The following CACNG3 variants were observed in gnomAD, a reference collection of about 807,000 sequenced individuals.
CACNG3 encodes the protein voltage-dependent calcium channel gamma-3 subunit.
Under a neutral mutation model 28.5 loss-of-function variants are expected in CACNG3, and 3 were observed. The observed-to-expected ratio is 0.11, with a 90% CI of 0.05 to 0.27. The LOEUF is 0.27. CACNG3 is among the 10% of genes least tolerant of loss of function. The probability of loss-of-function intolerance (pLI) is 1.00; values close to 1 mark genes in which losing one functional copy is unlikely to be tolerated. For missense variants in CACNG3, 236 were observed against 414.4 expected, an observed-to-expected ratio of 0.57 and a Z score of 3.74; for synonymous variants, 174 against 162.2, an observed-to-expected ratio of 1.07 and a Z score of -0.55.
chr16:24,282,265 C>T (rs2141351670), intron 1 of CACNG3, among the ~76,000 whole-genome samples: 1 of 152,258 alleles, frequency 6.6e-6, no homozygotes, highest in Admixed American at 6.5e-5. Flanking sequence ...CCTATGGCCG[C>T]CTTTTCTAGT....
At chr16:24,267,505 C>T (rs1898629061) in intron 1 of CACNG3, among the ~76,000 whole-genome samples, 1 of 152,048 alleles carries the variant, frequency 6.6e-6, no homozygotes, top group Non-Finnish European at 1.5e-5. Context: ...CCAGGATGGT[C>T]TTCAACTCAT....
chr16:24,337,150 G>A lies in CACNG3; in HGVS notation c.212-9584G>A, dbSNP rs994603877. ...TTCAAGATAGGAATCTTGAGAGGAC[G>A]TGAGCATTCAGTCCATTGCACAAGG... On this transcript the variant is annotated intron_variant, in intron 1 of 3. Coordinates refer to ENST00000005284, the MANE Select transcript of CACNG3 (RefSeq NM_006539.4). Among the ~76,000 whole-genome samples the A allele has an allele frequency of 5.3e-5, 8 of 152,248 alleles. No individual in the cohort carries two copies. The South Asian group carries it at 6.2e-4, about 12-fold the overall frequency.
intron 1 of CACNG3, among the ~76,000 whole-genome samples, chr16:24,340,853 C>A (rs1351509042): frequency 6.6e-6 from 1 of 152,204 alleles, no homozygotes; most frequent in East Asian, 1.9e-4. Flanking sequence ...GTCACCTGGG[C>A]TCCTGTCCTC....
chr16:24,261,132 T>C (rs1312060314), intron 1 of CACNG3, among the ~76,000 whole-genome samples: 1 of 152,178 alleles, frequency 6.6e-6, no homozygotes, highest in Non-Finnish European at 1.5e-5. Context: ...TAGATAAGAT[T>C]AGAGTAACAA....
At chr16:24,330,197 T>C (rs927004780) in intron 1 of CACNG3, among the ~76,000 whole-genome samples, 1 of 152,188 alleles carries the variant, frequency 6.6e-6, no homozygotes. Flanking sequence ...TGTTGGCCCA[T>C]GAAAGTGAAG....
At chr16:24,346,006 T>C (rs1899860455) in intron 1 of CACNG3, among the ~76,000 whole-genome samples, 1 of 152,218 alleles carries the variant, frequency 6.6e-6, no homozygotes, top group Admixed American at 6.5e-5. Context: ...CTGAGTGATT[T>C]CAAGAAAAAT....
At position 24,339,119 on chromosome 16, in the gene CACNG3, T is replaced by G. The variant is rs145161325; in HGVS notation, c.212-7615T>G. ...GAAAGCACTTTTAATCCCTCCATAC[T>G]GTTTTAATTCTCTATGTACATCTAT... On this transcript the variant is annotated intron_variant, in intron 1 of 3. Transcript: ENST00000005284. 6.7e-4 allele frequency among the ~76,000 whole-genome samples: 102 copies of G among 152,358 alleles called. No homozygotes were observed. The East Asian group carries it at 0.013, about 20-fold the overall frequency.
chr16:24,344,642 A>G (rs1899836459), intron 1 of CACNG3, among the ~76,000 whole-genome samples: 1 of 152,158 alleles, frequency 6.6e-6, no homozygotes, highest in Non-Finnish European at 1.5e-5. Context: ...AATTTCCTTG[A>G]GTCTTCTCTC....
chr16:24,303,147 A>G (rs1248206025), intron 1 of CACNG3, among the ~76,000 whole-genome samples: 1 of 151,918 alleles, frequency 6.6e-6, no homozygotes, highest in Non-Finnish European at 1.5e-5. Context: ...GGGCCTAAAA[A>G]CAACTGCTTT....
rs1567227932 is a variant in CACNG3, at chr16:24,361,873, T to G, written c.*10T>G. ...CACCACGCCCGTCTGAACTGACCTCTGACCTCTGCCCCACGCCCAGCACAG... is the reference window on the plus strand; with the variant it reads ...CACCACGCCCGTCTGAACTGACCTCGGACCTCTGCCCCACGCCCAGCACAG... On this transcript the variant is annotated 3_prime_UTR_variant, in exon 4 of 4. Transcript: ENST00000005284. The surrounding 1 kb of genome is among the most constrained non-coding windows in gnomAD (Gnocchi z 6.8). 1 of 1,593,516 alleles carries G rather than the reference T, an allele frequency of 6.3e-7. No homozygotes were observed. The highest frequency in any genetic ancestry group is 1.7e-4 in the Middle Eastern group (1 of 5,996).
At chr16:24,356,778 C>T (rs1272620419) in intron 3 of CACNG3, among the ~76,000 whole-genome samples, 1 of 152,114 alleles carries the variant, frequency 6.6e-6, no homozygotes, top group Non-Finnish European at 1.5e-5. Flanking sequence ...AGTTTGTTCT[C>T]ACACTGCTAA....
intron 1 of CACNG3, among the ~76,000 whole-genome samples, chr16:24,273,924 A>G (rs1020230789): frequency 1.3e-5 from 2 of 152,174 alleles, no homozygotes; most frequent in Admixed American, 6.5e-5. Flanking sequence ...TTTTCTGGAA[A>G]AATAACTCCT....
chr16:24,287,038 A>T (rs1237245218), intron 1 of CACNG3, among the ~76,000 whole-genome samples: 1 of 152,182 alleles, frequency 6.6e-6, no homozygotes, highest in Non-Finnish European at 1.5e-5. Context: ...AACACAATGG[A>T]TGGGATGGCA....
At position 24,298,112 on chromosome 16, in the gene CACNG3, T is replaced by A. The variant is rs117877076; in HGVS notation, c.211+41147T>A. ...TCGTTTGAAAGGTACAAGTAATAATTATCTTTATATTCTCTTATCCCAAAG... is the reference window on the plus strand; with the variant it reads ...TCGTTTGAAAGGTACAAGTAATAATAATCTTTATATTCTCTTATCCCAAAG... On this transcript the variant is annotated intron_variant, in intron 1 of 3. Coordinates refer to ENST00000005284, the MANE Select transcript of CACNG3 (RefSeq NM_006539.4). 7.9e-3 allele frequency among the ~76,000 whole-genome samples: 1,199 copies of A among 152,288 alleles called. 8 individuals carry two copies. Among genetic ancestry groups the A allele is most frequent in the Non-Finnish European group, 0.012 (832 of 68,016 alleles).
intron 1 of CACNG3, among the ~76,000 whole-genome samples, chr16:24,325,383 CAG>C (rs2141371445): frequency 6.6e-6 from 1 of 152,314 alleles, no homozygotes; most frequent in Non-Finnish European, 1.5e-5. Context: ...TAACATTCAG[CAG>C]AGTCACCCAC....
intron 1 of CACNG3, among the ~76,000 whole-genome samples, chr16:24,262,588 G>C (rs1209706195): frequency 6.6e-6 from 1 of 152,220 alleles, no homozygotes; most frequent in Non-Finnish European, 1.5e-5. Flanking sequence ...GTGAAGACCT[G>C]GCCCCACAGA....
At chr16:24,324,179 A>C (rs186394694) in intron 1 of CACNG3, among the ~76,000 whole-genome samples, 189 of 152,322 alleles carry the variant, frequency 1.2e-3, no homozygotes, top group Middle Eastern at 0.01. Flanking sequence ...GCTGAAGTTC[A>C]ATAAAGGTAA....
In CACNG3 at chr16:24,351,827, CTCTCTT is replaced by C. The variant is rs1190590926; in HGVS notation, c.296-3004_296-2999del. Among the ~76,000 whole-genome samples the C allele has an allele frequency of 4.7e-5, 6 of 127,206 alleles. No homozygotes were observed. The East Asian group carries it at 9.7e-4, about 20-fold the overall frequency. The allele number at this position is 127,206 out of a possible 152,430, so 83.5% of individuals were successfully genotyped here. ...AAAATCCCTTCCATCTTCTCTCTCTCTCTCTTTTTTTTTTTTTTTTTTTTTGAGACA... is the reference window on the plus strand; with the variant it reads ...AAAATCCCTTCCATCTTCTCTCTCTCTTTTTTTTTTTTTTTTTTTGAGACA... On this transcript the variant is annotated intron_variant, in intron 2 of 3. Transcript: ENST00000005284.
intron 1 of CACNG3, among the ~76,000 whole-genome samples, chr16:24,278,834 G>A (rs1898784358): frequency 6.6e-6 from 1 of 152,178 alleles, no homozygotes; most frequent in African/African-American, 2.4e-5. Flanking sequence ...GAACTCAAAT[G>A]ATATAACTCC....
Sources: allele counts gnomAD v4.1 joint callset (sites outside exome capture counted in the v4.1 genomes callset), GRCh38; gene constraint gnomAD v4.1.1; non-coding constraint Gnocchi (gnomAD v3.1); transcripts MANE v1.5; gene names NCBI Gene and HGNC (gene_info 2026-07-23, HGNC 2026-07-21).